Variants in SLC1A2 observed in about 807,000 individuals in gnomAD.
SLC1A2 encodes solute carrier family 1 member 2, also known as excitatory amino acid transporter 2.
A neutral mutation model predicts 48.8 loss-of-function variants in SLC1A2; 15 were observed. That is an observed-to-expected ratio of 0.31 (90% CI 0.21 to 0.47). The LOEUF (loss-of-function observed/expected upper bound fraction) is 0.47. Ranked by LOEUF, SLC1A2 falls within the 20% of genes least tolerant of loss-of-function variation. SLC1A2 has a pLI of 0.99. For missense variants in SLC1A2, 502 were observed against 730.5 expected (o/e 0.69, Z 3.61); for synonymous variants, 279 against 272.6 (o/e 1.02, Z -0.23).
chr11:35,273,079 T>C (rs115471789), intron 9 of SLC1A2, among the ~76,000 whole-genome samples: 1,837 of 152,294 alleles, frequency 0.012, 40 homozygotes, highest in African/African-American at 0.042. Flanking sequence ...GATTGAACCA[T>C]ATGAAATTGC....
chr11:35,276,434 A>G (rs534180019), intron 9 of SLC1A2, among the ~76,000 whole-genome samples: 3 of 151,556 alleles, frequency 2.0e-5, no homozygotes, highest in South Asian at 2.1e-4. Context: ...TAGTTAATCC[A>G]AATGTATCAT....
chr11:35,279,372 T>C (rs1331762562), intron 9 of SLC1A2, among the ~76,000 whole-genome samples: 1 of 152,224 alleles, frequency 6.6e-6, no homozygotes, highest in Admixed American at 6.5e-5. Context: ...AAAATGTCCT[T>C]CACTGGGAAA....
At chr11:35,353,825 G>A (rs1853357227) in intron 1 of SLC1A2, among the ~76,000 whole-genome samples, 1 of 152,178 alleles carries the variant, frequency 6.6e-6, no homozygotes, top group Non-Finnish European at 1.5e-5. Context: ...GGCTCCCAGT[G>A]ACTCCTTACT....
chr11:35,397,017 A>T (rs1489228081), intron 1 of SLC1A2, among the ~76,000 whole-genome samples: 157 of 149,788 alleles, frequency 1.0e-3, no homozygotes, highest in Non-Finnish European at 1.8e-3. Context: ...CACTGCTCAA[A>T]GAAATAAAAG....
chr11:35,360,401 C>CCTGA (rs1590227392), intron 1 of SLC1A2, among the ~76,000 whole-genome samples: 2 of 152,164 alleles, frequency 1.3e-5, no homozygotes, highest in Admixed American at 1.3e-4. Context: ...TGGGTAAGCC[C>CCTGA]CTGAGCCTGT....
At chr11:35,396,798 TCTC>T (rs1302196300) in intron 1 of SLC1A2, among the ~76,000 whole-genome samples, 1 of 152,108 alleles carries the variant, frequency 6.6e-6, no homozygotes, top group Non-Finnish European at 1.5e-5. Context: ...CAGCCCAAAA[TCTC>T]CTTAAGCTGA....
chr11:35,305,680 C>T (rs1014515643), intron 5 of SLC1A2, among the ~76,000 whole-genome samples: 9 of 152,314 alleles, frequency 5.9e-5, no homozygotes, highest in Admixed American at 4.6e-4. Context: ...GTCCAGCCCC[C>T]GCACCTAGCA....
chr11:35,272,449 A>T (rs762217140), intron 9 of SLC1A2, among the ~76,000 whole-genome samples: 16 of 152,332 alleles, frequency 1.1e-4, no homozygotes, highest in Non-Finnish European at 2.2e-4. Context: ...CCCAGCCAGG[A>T]GGTAGGTCAT....
chr11:35,281,075 T>C, intron 8 of SLC1A2, 74 bp from the exon 9 acceptor site: 1 of 1,448,618 alleles, frequency 6.9e-7, no homozygotes, highest in Non-Finnish European at 9.1e-7. Flanking sequence ...AATTTTAAGC[T>C]CTAATTTTCC....
chr11:35,377,840 C>T (rs1421052022), intron 1 of SLC1A2, among the ~76,000 whole-genome samples: 1 of 152,214 alleles, frequency 6.6e-6, no homozygotes, highest in Admixed American at 6.5e-5. Context: ...TCTCATTTTA[C>T]ATACTGACAT....
intron 9 of SLC1A2, 53 bp from the exon 10 acceptor site, chr11:35,265,811 T>C: frequency 8.7e-7 from 1 of 1,152,236 alleles, no homozygotes; most frequent in Non-Finnish European, 1.3e-6. Flanking sequence ...TATGTGGTAG[T>C]TGAGAGGTCA....
chr11:35,338,988 T>C (rs768930194), intron 1 of SLC1A2, among the ~76,000 whole-genome samples: 2 of 152,158 alleles, frequency 1.3e-5, no homozygotes, highest in Non-Finnish European at 2.9e-5. Flanking sequence ...AACCAACGGG[T>C]GATTTTCCTG....
At chr11:35,354,530 C>G (rs575833083) in intron 1 of SLC1A2, among the ~76,000 whole-genome samples, 52 of 152,214 alleles carry the variant, frequency 3.4e-4, no homozygotes, top group African/African-American at 1.3e-3. Flanking sequence ...GTTGGCCCAC[C>G]TCTTCCAACG....
At chr11:35,300,226 A>G (rs1851307556) in intron 6 of SLC1A2, among the ~76,000 whole-genome samples, 1 of 152,250 alleles carries the variant, frequency 6.6e-6, no homozygotes, top group Admixed American at 6.5e-5. Flanking sequence ...TACCAATATG[A>G]ACTACAGCTC....
intron 1 of SLC1A2, among the ~76,000 whole-genome samples, chr11:35,318,201 T>C (rs1851945709): frequency 6.6e-6 from 1 of 152,252 alleles, no homozygotes; most frequent in Admixed American, 6.5e-5. Flanking sequence ...CCTCCAGCTA[T>C]GGCTGCAGCC....
chr11:35,340,310 G>C (rs1210204692), intron 1 of SLC1A2, among the ~76,000 whole-genome samples: 2 of 152,244 alleles, frequency 1.3e-5, no homozygotes, highest in African/African-American at 4.8e-5. Context: ...CACTGCTGGA[G>C]CCAGGGCAGG....
At chr11:35,271,471 C>T (rs1273782669) in intron 9 of SLC1A2, among the ~76,000 whole-genome samples, 2 of 152,062 alleles carry the variant, frequency 1.3e-5, no homozygotes, top group Non-Finnish European at 2.9e-5. Flanking sequence ...TAAGAGCCTG[C>T]AAAAGTTAAA....
At position 35,419,267 on chromosome 11, in the gene SLC1A2, A is replaced by C; in HGVS notation, c.-301T>G. The C allele has an allele frequency of 2.8e-6, 1 of 359,482 alleles. No homozygotes were observed. The highest frequency in any genetic ancestry group is 5.0e-6 in the Non-Finnish European group (1 of 201,638). 22.3% of individuals were successfully genotyped at this position (359,482 alleles called of 1,614,324 possible). Reference sequence around the variant, plus strand: ...CGAGGGTGGCTTCCCCGAGAGAGCGATGCGCCCAGGGCTGCAGGAGGGCGC... The same window carrying C: ...CGAGGGTGGCTTCCCCGAGAGAGCGCTGCGCCCAGGGCTGCAGGAGGGCGC... On this transcript the variant is annotated 5_prime_UTR_variant, in exon 1 of 11. Transcript: ENST00000278379. This position sits in a 1 kb window ranked among gnomAD's most constrained non-coding sequence, Gnocchi z 5.4.
chr11:35,354,525 C>T (rs1185225189), intron 1 of SLC1A2, among the ~76,000 whole-genome samples: 1 of 152,082 alleles, frequency 6.6e-6, no homozygotes, highest in East Asian at 1.9e-4. Context: ...TCTGTGTTGG[C>T]CCACCTCTTC....
Sources: allele counts gnomAD v4.1 joint callset (sites outside exome capture counted in the v4.1 genomes callset), GRCh38; gene constraint gnomAD v4.1.1; non-coding constraint Gnocchi (gnomAD v3.1); transcripts MANE v1.5; gene names NCBI Gene and HGNC (gene_info 2026-07-23, HGNC 2026-07-21).